CSMD1: variants seen among roughly 807,000 people sequenced by gnomAD.
CSMD1 encodes the protein CUB and Sushi multiple domains 1.
In CSMD1, 213 loss-of-function variants were observed where a neutral mutation model predicts 417.5. The observed-to-expected ratio is 0.51, with a 90% CI of 0.46 to 0.57. The LOEUF is 0.57. Ranked by LOEUF, CSMD1 falls within the 20% of genes least tolerant of loss-of-function variation. The pLI, the probability that CSMD1 is intolerant of heterozygous loss-of-function variation, is 0.00. For synonymous variants in CSMD1, 2,862 were observed against 1,736.8 expected (o/e 1.65, Z -16.11); for missense variants, 6,923 against 4,529.7 (o/e 1.53, Z -15.17).
intron 3 of CSMD1, among the ~76,000 whole-genome samples, chr8:4,355,985 G>C (rs1008658892): frequency 6.6e-6 from 1 of 152,058 alleles, no homozygotes; most frequent in African/African-American, 2.4e-5. Context: ...ATTTTTTCAT[G>C]ATATTGGGGT....
intron 67 of CSMD1, among the ~76,000 whole-genome samples, chr8:2,949,899 T>C (rs1474424464): frequency 1.3e-5 from 2 of 152,158 alleles, no homozygotes; most frequent in African/African-American, 2.4e-5. Flanking sequence ...AGCGTGGTTA[T>C]CAAGCGGTCT....
chr8:4,640,280 C>T (rs1803110781), intron 1 of CSMD1, among the ~76,000 whole-genome samples: 1 of 152,184 alleles, frequency 6.6e-6, no homozygotes, highest in Non-Finnish European at 1.5e-5. Context: ...GAATGAATAT[C>T]ATCGTTGGCT....
At chr8:3,391,337 T>G (rs907611959) in intron 17 of CSMD1, among the ~76,000 whole-genome samples, 1 of 152,192 alleles carries the variant, frequency 6.6e-6, no homozygotes, top group African/African-American at 2.4e-5. Flanking sequence ...ACAAGATACT[T>G]TTGACAGCAT....
At chr8:4,410,064 G>A (rs752318975) in intron 3 of CSMD1, among the ~76,000 whole-genome samples, 18 of 152,060 alleles carry the variant, frequency 1.2e-4, no homozygotes, top group East Asian at 5.8e-4. Context: ...CACACCTGCC[G>A]TGGCCTCCCA....
At position 4,004,966 on chromosome 8, in the gene CSMD1, A is replaced by G. The variant is rs1013199712; in HGVS notation, c.611-6856T>C. The stretch of plus-strand genomic sequence containing the variant: ...TCACCGTGTTAGCCAGGATGGTCTC[A>G]ATCTCCTGACCTCGTGATCTGCCAG... On this transcript the variant is annotated intron_variant, in intron 4 of 69. Coordinates refer to ENST00000635120, the MANE Select transcript of CSMD1 (RefSeq NM_033225.6). Among the ~76,000 whole-genome samples, 11 of 152,120 alleles carry G rather than the reference A, an allele frequency of 7.2e-5. No individual in the cohort carries two copies. In the South Asian group the frequency reaches 1.7e-3, roughly 23 times the overall value.
chr8:3,595,674 A>G (rs1426939148), intron 8 of CSMD1, among the ~76,000 whole-genome samples: 1 of 152,214 alleles, frequency 6.6e-6, no homozygotes, highest in Admixed American at 6.5e-5. Flanking sequence ...GAAGCACCGC[A>G]TTGACAATGA....
chr8:3,814,370 A>T (rs751232764), intron 5 of CSMD1, among the ~76,000 whole-genome samples: 1 of 151,542 alleles, frequency 6.6e-6, no homozygotes, highest in Non-Finnish European at 1.5e-5. Context: ...AGATGGCTTT[A>T]CCTCTTATAC....
chr8:3,817,583 T>C (rs762196241), intron 5 of CSMD1, among the ~76,000 whole-genome samples: 20 of 152,050 alleles, frequency 1.3e-4, no homozygotes, highest in Non-Finnish European at 2.5e-4. Context: ...CTGGCCATCT[T>C]CTTTATTTAG....
chr8:3,877,704 T>C (rs1805917268), intron 5 of CSMD1, among the ~76,000 whole-genome samples: 2 of 152,106 alleles, frequency 1.3e-5, no homozygotes, highest in Non-Finnish European at 2.9e-5. Context: ...TTATATATTT[T>C]CATATGCAGT....
intron 7 of CSMD1, among the ~76,000 whole-genome samples, chr8:3,707,639 G>C (rs976780483): frequency 6.6e-6 from 1 of 152,104 alleles, no homozygotes; most frequent in Non-Finnish European, 1.5e-5. Flanking sequence ...AAGGTCGTGT[G>C]GGGAGCAAAA....
intron 5 of CSMD1, among the ~76,000 whole-genome samples, chr8:3,820,483 G>A (rs1351570954): frequency 6.6e-6 from 1 of 152,206 alleles, no homozygotes; most frequent in African/African-American, 2.4e-5. Context: ...CCCACTGGAA[G>A]TTTGTCAGGG....
chr8:4,793,837 A>C (rs1409815541), intron 1 of CSMD1, among the ~76,000 whole-genome samples: 1 of 36,178 alleles, frequency 2.8e-5, no homozygotes, highest in Non-Finnish European at 9.5e-5. Context: ...CAGAATAGGA[A>C]AAAAAAAAAA....
At chr8:3,731,289 C>T (rs1219732066) in intron 6 of CSMD1, among the ~76,000 whole-genome samples, 31 of 152,210 alleles carry the variant, frequency 2.0e-4, no homozygotes, top group Admixed American at 2.0e-3. Context: ...GATACAGATG[C>T]ATCTCCACAA....
chr8:3,872,898 G>A (rs960751451), intron 5 of CSMD1, among the ~76,000 whole-genome samples: 1 of 148,062 alleles, frequency 6.8e-6, no homozygotes, highest in Admixed American at 6.7e-5. Context: ...CAAACAACAT[G>A]AACAGACACT....
intron 1 of CSMD1, among the ~76,000 whole-genome samples, chr8:4,762,841 T>C (rs1297557507): frequency 6.6e-6 from 1 of 152,220 alleles, no homozygotes; most frequent in Non-Finnish European, 1.5e-5. Flanking sequence ...AAAAGATCTT[T>C]CTTTGGTATG....
At position 4,223,625 on chromosome 8, in the gene CSMD1, A is replaced by G. The variant is rs145784811; in HGVS notation, c.416-191526T>C. On this transcript the variant is annotated intron_variant, in intron 3 of 69. Transcript: ENST00000635120. ...GATTGACCATGGGAAAGAATAGATT[A>G]GCAGCCAGGACTCAGCGAGTTAAAC... Among the ~76,000 whole-genome samples, 458 of 152,384 alleles carry G rather than the reference A, an allele frequency of 3.0e-3. 6 individuals carry two copies. Among genetic ancestry groups the G allele is most frequent in the Admixed American group, 0.027 (417 of 15,310 alleles).
chr8:4,317,168 GTTTTAC>G (rs946003427), intron 3 of CSMD1, among the ~76,000 whole-genome samples: 1 of 152,068 alleles, frequency 6.6e-6, no homozygotes, highest in African/African-American at 2.4e-5. Context: ...CCCTTGTAAA[GTTTTAC>G]AGTTTATAAA....
chr8:3,442,022 T>C (rs1815018191), intron 12 of CSMD1, among the ~76,000 whole-genome samples: 1 of 151,940 alleles, frequency 6.6e-6, no homozygotes, highest in Non-Finnish European at 1.5e-5. Flanking sequence ...ATGTTTTGTG[T>C]GTTTGTGTAT....
At chr8:3,875,830 C>T (rs1805778099) in intron 5 of CSMD1, among the ~76,000 whole-genome samples, 1 of 152,160 alleles carries the variant, frequency 6.6e-6, no homozygotes, top group Non-Finnish European at 1.5e-5. Context: ...AGGGAATTTG[C>T]AGATCAATCA....
Sources: allele counts gnomAD v4.1 joint callset (sites outside exome capture counted in the v4.1 genomes callset), GRCh38; gene constraint gnomAD v4.1.1; transcripts MANE v1.5; gene names NCBI Gene and HGNC (gene_info 2026-07-23, HGNC 2026-07-21).